The following FHOD3 variants were observed in gnomAD, a reference collection of about 807,000 sequenced individuals.
FHOD3 encodes formin homology 2 domain containing 3, also known as FH1/FH2 domain-containing protein 3.
In FHOD3, 90 loss-of-function variants were observed where a neutral mutation model predicts 173.0. The ratio of observed to expected loss-of-function variants is 0.52; its 90% CI spans 0.44 to 0.62. The LOEUF (loss-of-function observed/expected upper bound fraction) is 0.62. Ranked by LOEUF, FHOD3 falls within the 20% of genes least tolerant of loss-of-function variation. The pLI, the probability that FHOD3 is intolerant of heterozygous loss-of-function variation, is 0.00. For missense variants in FHOD3, 1,945 were observed against 2,034.7 expected, an observed-to-expected ratio of 0.96 and a Z score of 0.85; for synonymous variants, 828 against 823.0, an observed-to-expected ratio of 1.01 and a Z score of -0.10.
chr18:36,730,092 G>C (rs1355846504), intron 19 of FHOD3, among the ~76,000 whole-genome samples: 3 of 152,200 alleles, frequency 2.0e-5, no homozygotes, highest in Non-Finnish European at 4.4e-5. Flanking sequence ...GCACAGGAAA[G>C]GTGGAGGTGC....
chr18:36,762,353 A>G (rs1313161903), intron 27 of FHOD3, among the ~76,000 whole-genome samples: 2 of 152,118 alleles, frequency 1.3e-5, no homozygotes, highest in East Asian at 1.9e-4. Context: ...CCAGAACCCT[A>G]GGGCTTTTGT....
intron 5 of FHOD3, among the ~76,000 whole-genome samples, chr18:36,553,191 C>T (rs2057733998): frequency 6.6e-6 from 1 of 152,108 alleles, no homozygotes; most frequent in Non-Finnish European, 1.5e-5. Flanking sequence ...GGTGGATAAG[C>T]TTTTTGATGT....
At chr18:36,576,918 C>A (rs566575090) in intron 6 of FHOD3, among the ~76,000 whole-genome samples, 13 of 152,202 alleles carry the variant, frequency 8.5e-5, no homozygotes, top group African/African-American at 2.9e-4. Flanking sequence ...CATGGTGAAA[C>A]CCTGTCTCTA....
At chr18:36,483,606 A>G (rs75444587) in intron 3 of FHOD3, among the ~76,000 whole-genome samples, 1,982 of 152,316 alleles carry the variant, frequency 0.013, 46 homozygotes, top group African/African-American at 0.045. Flanking sequence ...AAAACACATT[A>G]CCAAGTATTT....
At chr18:36,765,854 CAT>C (rs927060293) in intron 27 of FHOD3, among the ~76,000 whole-genome samples, 30 of 152,164 alleles carry the variant, frequency 2.0e-4, no homozygotes, top group Middle Eastern at 3.4e-3. Context: ...AATGGTCTAA[CAT>C]GTGTAATTGG....
intron 19 of FHOD3, among the ~76,000 whole-genome samples, chr18:36,720,503 G>A (rs940747229): frequency 6.6e-6 from 1 of 151,996 alleles, no homozygotes; most frequent in Non-Finnish European, 1.5e-5. Context: ...CTCCCCAAGT[G>A]CTAGGATTAC....
intron 3 of FHOD3, among the ~76,000 whole-genome samples, chr18:36,495,573 A>C (rs2054703478): frequency 6.6e-6 from 1 of 152,116 alleles, no homozygotes; most frequent in African/African-American, 2.4e-5. Context: ...TGTGGAATCT[A>C]CTTTATTTTG....
At chr18:36,476,475 G>T (rs958893499) in intron 3 of FHOD3, among the ~76,000 whole-genome samples, 1 of 152,228 alleles carries the variant, frequency 6.6e-6, no homozygotes, top group African/African-American at 2.4e-5. Flanking sequence ...GTGAAAGAGT[G>T]AGCTGGGAGG....
At chr18:36,653,524 C>G (rs2036208155) in intron 13 of FHOD3, 108 bp downstream of exon 13, 1 of 809,430 alleles carries the variant, frequency 1.2e-6, no homozygotes, top group African/African-American at 1.7e-5. Flanking sequence ...ACGTGACACA[C>G]AATTACAGTT....
intron 5 of FHOD3, among the ~76,000 whole-genome samples, chr18:36,559,092 G>A (rs1335290096): frequency 1.3e-5 from 2 of 152,150 alleles, no homozygotes; most frequent in East Asian, 1.9e-4. Context: ...CTCTCCTGAC[G>A]TTCTCCTTAG....
chr18:36,313,696 C>G (rs542768398), intron 1 of FHOD3, among the ~76,000 whole-genome samples: 42 of 152,104 alleles, frequency 2.8e-4, no homozygotes, highest in Non-Finnish European at 5.4e-4. Flanking sequence ...TGGGTTGTTT[C>G]TGGTTTTTGG....
chr18:36,610,469 C>T (rs111370225), intron 8 of FHOD3, among the ~76,000 whole-genome samples: 590 of 152,294 alleles, frequency 3.9e-3, no homozygotes, highest in Admixed American at 5.9e-3. Context: ...TCATACGTGG[C>T]GTGGCGGCCC....
At position 36,687,084 on chromosome 18, in the gene FHOD3, G is replaced by A; in HGVS notation, c.1971-44G>A. The A allele has an allele frequency of 1.4e-6, 2 of 1,442,480 alleles. 1 individual carries two copies. Among genetic ancestry groups the A allele is most frequent in the South Asian group, 2.4e-5 (2 of 83,654 alleles). The allele number at this position is 1,442,480 out of a possible 1,614,324, so 89.4% of individuals were successfully genotyped here. A position where few individuals can be genotyped will look rare whatever the true frequency, so the allele number is the denominator to read the frequency against. On this transcript the variant is annotated intron_variant, in intron 15 of 28. Transcript: ENST00000590592. ...GGTAATTTTCTGAGTATCTAATTCT[G>A]TTACTTTCTTTTCCTGTTTGTTTGT...
intron 14 of FHOD3, among the ~76,000 whole-genome samples, chr18:36,675,947 G>A (rs181910509): frequency 2.6e-5 from 4 of 152,152 alleles, no homozygotes; most frequent in Non-Finnish European, 4.4e-5. Flanking sequence ...TTGATGTTCA[G>A]TTAGCTTGGG....
At chr18:36,576,392 C>T in intron 5 of FHOD3, 59 bp from the exon 6 acceptor site, 2 of 1,267,640 alleles carry the variant, frequency 1.6e-6, no homozygotes, top group Non-Finnish European at 2.3e-6. Context: ...ATTATGATCA[C>T]TGAAGATTAT....
chr18:36,522,349 C>G (rs952483728), intron 5 of FHOD3, among the ~76,000 whole-genome samples: 1 of 152,240 alleles, frequency 6.6e-6, no homozygotes, highest in Non-Finnish European at 1.5e-5. Context: ...TTTAGTCCAC[C>G]TGCTCTTGTT....
At chr18:36,623,439 G>C (rs1403248776) in intron 9 of FHOD3, among the ~76,000 whole-genome samples, 4 of 152,202 alleles carry the variant, frequency 2.6e-5, no homozygotes, top group Non-Finnish European at 5.9e-5. Context: ...ACTTAAAAAT[G>C]CTGTCCTTTG....
At chr18:36,690,362 G>A (rs746427493) in intron 16 of FHOD3, among the ~76,000 whole-genome samples, 12 of 152,178 alleles carry the variant, frequency 7.9e-5, no homozygotes, top group South Asian at 2.1e-4. Flanking sequence ...TAGAAAGCCC[G>A]GTGCTTCCCA....
chr18:36,753,740 T>G (rs370403217), intron 24 of FHOD3, among the ~76,000 whole-genome samples: 6 of 152,240 alleles, frequency 3.9e-5, no homozygotes, highest in African/African-American at 1.4e-4. Context: ...TCTCTTTTAT[T>G]ACAGCCATCC....
Sources: gnomAD v4.1 joint callset for allele counts (sites outside exome capture counted in the v4.1 genomes callset) on GRCh38, gnomAD v4.1.1 for gene constraint, MANE v1.5 for transcripts, NCBI Gene and HGNC (gene_info 2026-07-23, HGNC 2026-07-21) for gene names.